The following SYT2 variants were observed in gnomAD, a reference collection of about 807,000 sequenced individuals.
SYT2 encodes the protein synaptotagmin 2, also known as synaptotagmin-2.
SYT2 carries 15 observed loss-of-function variants against 39.9 expected under a neutral mutation model. That is an observed-to-expected ratio of 0.38 (90% CI 0.25 to 0.58). SYT2 has a LOEUF of 0.58. Among genes scored for constraint, SYT2 ranks in the 20% least tolerant of loss-of-function variants. The pLI is 0.70. For missense variants in SYT2, 389 were observed against 530.3 expected, an observed-to-expected ratio of 0.73 and a Z score of 2.62; for synonymous variants, 181 against 204.5, an observed-to-expected ratio of 0.89 and a Z score of 0.98.
intron 1 of SYT2, among the ~76,000 whole-genome samples, chr1:202,696,674 G>A (rs924077853): frequency 1.3e-5 from 2 of 152,154 alleles, no homozygotes; most frequent in East Asian, 3.9e-4. Flanking sequence ...GTGGCCTGAG[G>A]CACATGGGAG....
chr1:202,684,434 C>T (rs1397915618), intron 1 of SYT2, among the ~76,000 whole-genome samples: 1 of 152,014 alleles, frequency 6.6e-6, no homozygotes, highest in Non-Finnish European at 1.5e-5. Context: ...TAATGTCCTC[C>T]AGGTTCATCC....
At chr1:202,604,818 C>CTTTTTT (rs59944538) in intron 2 of SYT2, among the ~76,000 whole-genome samples, 197 bp from the exon 3 acceptor site, 12 of 71,668 alleles carry the variant, frequency 1.7e-4, no homozygotes, top group African/African-American at 6.5e-4. Flanking sequence ...TCATGCCTTG[C>CTTTTTT]TTTTTTTTTT....
At chr1:202,633,851 A>G (rs1434402941) in intron 1 of SYT2, among the ~76,000 whole-genome samples, 1 of 152,248 alleles carries the variant, frequency 6.6e-6, no homozygotes, top group Non-Finnish European at 1.5e-5. Flanking sequence ...CAAATTCCCT[A>G]AAGCCACATG....
intron 1 of SYT2, among the ~76,000 whole-genome samples, chr1:202,651,352 G>A (rs948721506): frequency 6.9e-5 from 10 of 144,750 alleles, no homozygotes; most frequent in African/African-American, 5.0e-5. Context: ...AAGAGAGGAC[G>A]CACAGGGGTG....
chr1:202,696,508 G>T (rs377043267), intron 1 of SYT2, among the ~76,000 whole-genome samples: 4 of 152,132 alleles, frequency 2.6e-5, no homozygotes, highest in Admixed American at 1.3e-4. Context: ...ATAAACAATC[G>T]CATGATTATT....
rs972819694 is a variant in SYT2, at chr1:202,591,309, C to T, written c.*5448G>A. On this transcript the variant is annotated 3_prime_UTR_variant, in exon 9 of 9. Transcript: ENST00000367268. Reference sequence around the variant, plus strand: ...TTCCCGTTCTCTCTCCTTCCTCATACTTGTCACAGTTGCCAGGCCTGAGGC... The same window carrying T: ...TTCCCGTTCTCTCTCCTTCCTCATATTTGTCACAGTTGCCAGGCCTGAGGC... The T allele has an allele frequency of 2.0e-5, 3 of 152,882 alleles. No homozygotes were observed. The highest frequency in any genetic ancestry group is 2.9e-5 in the Non-Finnish European group (2 of 68,556). The allele number at this position is 152,882 out of a possible 1,614,324, so 9.5% of individuals were successfully genotyped here.
intron 1 of SYT2, among the ~76,000 whole-genome samples, chr1:202,664,858 C>T (rs1016424265): frequency 1.2e-4 from 18 of 152,168 alleles, no homozygotes; most frequent in African/African-American, 3.9e-4. Context: ...AGGGTTTCAC[C>T]ATGTGGGCCA....
rs1282691907 is a variant in SYT2 at position 202,623,213 on chromosome 1, C to G, written c.-17-17424G>C. 6.6e-6 allele frequency among the ~76,000 whole-genome samples: 1 copy of G among 152,248 alleles called. No homozygotes were observed. The highest frequency in any genetic ancestry group is 2.4e-5 in the African/African-American group (1 of 41,466). On this transcript the variant is annotated intron_variant, in intron 1 of 8. Coordinates refer to ENST00000367268, the MANE Select transcript of SYT2 (RefSeq NM_177402.5). This position sits in a 1 kb window ranked among gnomAD's most constrained non-coding sequence, Gnocchi z 4.2. ...AACAGGACAGAGAAGCCCGCCATCC[C>G]CATGGGAGAGGAGCTGGAGTCCAGG...
chr1:202,603,114 T>C lies in SYT2; in HGVS notation c.350A>G (p.Asp117Gly). ...NMKDMKGGQD[D>G]DDAETGLTEG... Reference sequence around the variant, plus strand: ...AGTCAGGCCTGTCTCTGCGTCGTCGTCATCCTGTGGGAGCTGGGGGAGAGA... The same window carrying C: ...AGTCAGGCCTGTCTCTGCGTCGTCGCCATCCTGTGGGAGCTGGGGGAGAGA... The change falls in exon 4 of 9, where the codon GAC becomes GGC. Residue 117 changes from aspartate to glycine, a missense_variant. This residue lies in a region of SYT2 where 280 missense variants were observed against 335.6 expected (regional missense o/e 0.83). Coordinates refer to ENST00000367268, the MANE Select transcript of SYT2 (RefSeq NM_177402.5). The C allele has an allele frequency of 1.9e-6, 3 of 1,613,788 alleles. No homozygotes were observed. The South Asian group carries it at 3.3e-5, about 18-fold the overall frequency.
intron 1 of SYT2, among the ~76,000 whole-genome samples, chr1:202,636,726 A>T (rs2149094047): frequency 6.6e-6 from 1 of 152,370 alleles, no homozygotes; most frequent in East Asian, 1.9e-4. Flanking sequence ...ATTACTTTAT[A>T]GCAAAATCTT....
rs9783092 is a variant in SYT2 at position 202,631,108 on chromosome 1, C to T, written c.-17-25319G>A. On this transcript the variant is annotated intron_variant, in intron 1 of 8. Transcript: ENST00000367268. ...AGAGGAAGGGACTTGTCCAAAGTGG[C>T]AGAGTAAGGAGCCTGCCTCCCAATC... Among the ~76,000 whole-genome samples the T allele has an allele frequency of 1.9e-3, 292 of 152,312 alleles. 1 individual carries two copies. The highest frequency in any genetic ancestry group is 6.7e-3 in the African/African-American group (279 of 41,564).
At chr1:202,667,947 G>A (rs140618914) in intron 1 of SYT2, among the ~76,000 whole-genome samples, 1,766 of 152,182 alleles carry the variant, frequency 0.012, 25 homozygotes, top group African/African-American at 0.041. Context: ...TCCTGACCTC[G>A]TGATCTGCCC....
intron 1 of SYT2, among the ~76,000 whole-genome samples, chr1:202,691,311 A>G (rs552031788): frequency 3.3e-5 from 5 of 152,204 alleles, no homozygotes; most frequent in Middle Eastern, 3.4e-3. Flanking sequence ...GGGCCAGAAA[A>G]CAAGGAGGGC....
chr1:202,700,745 G>A (rs1033567988), intron 1 of SYT2, among the ~76,000 whole-genome samples: 9 of 152,040 alleles, frequency 5.9e-5, no homozygotes, highest in African/African-American at 2.2e-4. Context: ...TTCGGTGTTC[G>A]GTCTGTCTGC....
chr1:202,705,745 TCTCA>T (rs1253047814), intron 1 of SYT2, among the ~76,000 whole-genome samples: 1 of 149,036 alleles, frequency 6.7e-6, no homozygotes, highest in Non-Finnish European at 1.5e-5. Context: ...TGAGACCGGA[TCTCA>T]CTGTTTTCCA....
At chr1:202,625,668 C>T (rs200485366) in intron 1 of SYT2, among the ~76,000 whole-genome samples, 5 of 152,216 alleles carry the variant, frequency 3.3e-5, no homozygotes, top group East Asian at 3.9e-4. Flanking sequence ...GCCAGGCCCA[C>T]GCCCTCCGCA....
chr1:202,634,926 A>C (rs1434215206), intron 1 of SYT2, among the ~76,000 whole-genome samples: 1 of 152,184 alleles, frequency 6.6e-6, no homozygotes, highest in Non-Finnish European at 1.5e-5. Context: ...GTTCCTTTTC[A>C]GGGGTGAAAA....
At chr1:202,685,822 G>C (rs1653649049) in intron 1 of SYT2, among the ~76,000 whole-genome samples, 1 of 152,130 alleles carries the variant, frequency 6.6e-6, no homozygotes, top group Admixed American at 6.5e-5. Flanking sequence ...ATTAACTAGG[G>C]AAACAGGCTC....
At chr1:202,638,472 G>A (rs1453464461) in intron 1 of SYT2, among the ~76,000 whole-genome samples, 1 of 152,238 alleles carries the variant, frequency 6.6e-6, no homozygotes, top group Non-Finnish European at 1.5e-5. Context: ...CCCGCTCAAT[G>A]GGCCATCTGC....
Sources: gnomAD v4.1 joint callset for allele counts (sites outside exome capture counted in the v4.1 genomes callset) on GRCh38, gnomAD v4.1.1 for gene constraint, gnomAD v4.1.1 regional missense constraint, Gnocchi (gnomAD v3.1) non-coding constraint, MANE v1.5 for transcripts, NCBI Gene and HGNC (gene_info 2026-07-23, HGNC 2026-07-21) for gene names.